Variants in STAT4 observed in about 807,000 individuals in gnomAD.
STAT4 encodes the protein signal transducer and activator of transcription 4.
Under a neutral mutation model 110.5 loss-of-function variants are expected in STAT4, and 42 were observed. That is an observed-to-expected ratio of 0.38 (90% CI 0.30 to 0.49). STAT4 has a LOEUF of 0.49. STAT4 is among the 20% of genes least tolerant of loss of function. STAT4 has a pLI of 0.95. For synonymous variants in STAT4, 284 were observed against 302.2 expected (o/e 0.94, Z 0.63); for missense variants, 632 against 887.9 (o/e 0.71, Z 3.66).
In STAT4 at chr2:191,097,514, TG is replaced by T. The variant is rs558496908; in HGVS notation, c.274-21190del. On this transcript the variant is annotated intron_variant, in intron 3 of 23. Transcript: ENST00000392320. The stretch of plus-strand genomic sequence containing the variant: ...TGACAAACCTGAGAAAAACAAGAAA[TG>T]GGGAAAGGATTCCCTATTTAATAAA... Among the ~76,000 whole-genome samples, 789 of 152,180 alleles carry T rather than the reference TG, an allele frequency of 5.2e-3. 6 individuals are homozygous for T. Among genetic ancestry groups the T allele is most frequent in the African/African-American group, 0.018 (750 of 41,502 alleles).
chr2:191,086,011 T>C lies in STAT4; in HGVS notation c.274-9686A>G, dbSNP rs564088582. ...TTGAAACATATTTCTTTCTCCAGAA[T>C]TTGGAAACTATTTGTGAGTATTCTT... On this transcript the variant is annotated intron_variant, in intron 3 of 23. Transcript: ENST00000392320. The surrounding 1 kb of genome is among the most constrained non-coding windows in gnomAD (Gnocchi z 5.5). Among the ~76,000 whole-genome samples, 13 of 152,326 alleles carry C rather than the reference T, an allele frequency of 8.5e-5. No homozygotes were observed. In the South Asian group the frequency reaches 2.7e-3, roughly 32 times the overall value.
rs914633830 is a variant in STAT4, at chr2:191,077,966, A to G, written c.274-1641T>C. ...CATTTCCGTGTGTCGACAATTTCAGATTCTCTCTAGTTAGAATTTGTTCCT... is the reference window on the plus strand; with the variant it reads ...CATTTCCGTGTGTCGACAATTTCAGGTTCTCTCTAGTTAGAATTTGTTCCT... On this transcript the variant is annotated intron_variant, in intron 3 of 23. Coordinates refer to ENST00000392320, the MANE Select transcript of STAT4 (RefSeq NM_003151.4). The surrounding 1 kb of genome is among the most constrained non-coding windows in gnomAD (Gnocchi z 4.1). Among the ~76,000 whole-genome samples, 10 of 152,110 alleles carry G rather than the reference A, an allele frequency of 6.6e-5. No individual in the cohort carries two copies. The highest frequency in any genetic ancestry group is 2.4e-4 in the African/African-American group (10 of 41,444).
intron 14 of STAT4, chr2:191,041,643 G>C (rs1696201758): frequency 6.6e-6 from 1 of 152,174 alleles, no homozygotes; most frequent in Non-Finnish European, 1.5e-5. Context: ...GGTAATAGCT[G>C]GAGTTTTATT....
At chr2:191,139,542 T>A (rs958976722) in intron 3 of STAT4, among the ~76,000 whole-genome samples, 3 of 152,096 alleles carry the variant, frequency 2.0e-5, no homozygotes, top group African/African-American at 7.2e-5. Context: ...AATATACCTA[T>A]CCAAGGGGGT....
intron 16 of STAT4, among the ~76,000 whole-genome samples, chr2:191,038,527 G>T (rs928140077): frequency 6.6e-6 from 1 of 152,124 alleles, no homozygotes; most frequent in East Asian, 1.9e-4. Context: ...CTAGACCTCA[G>T]TGGTTTCCAG....
chr2:191,036,364 C>T, intron 16 of STAT4, 65 bp from the exon 17 acceptor site: 1 of 1,561,592 alleles, frequency 6.4e-7, no homozygotes, highest in Non-Finnish European at 8.7e-7. Flanking sequence ...GAGGTGTGAG[C>T]AGGGCAAGAG....
chr2:191,029,658 T>C lies in STAT4; in HGVS notation c.*182A>G, dbSNP rs1160410995. ...TTATCTGAAGCTTTGGTTTCAAGCA[T>C]TTCAGTCACAACACTCCCAATTGAG... On this transcript the variant is annotated 3_prime_UTR_variant, in exon 24 of 24. Coordinates refer to ENST00000392320, the MANE Select transcript of STAT4 (RefSeq NM_003151.4). This position sits in a 1 kb window ranked among gnomAD's most constrained non-coding sequence, Gnocchi z 4.5. 5.0e-6 allele frequency: 3 copies of C among 595,034 alleles called. No homozygotes were observed. In the African/African-American group the frequency reaches 5.9e-5, roughly 12 times the overall value. The allele number at this position is 595,034 out of a possible 1,614,324, so 36.9% of individuals were successfully genotyped here.
chr2:191,150,522 C>CG lies in STAT4; in HGVS notation c.-2+424dup, dbSNP rs1699566723. 6.6e-6 allele frequency among the ~76,000 whole-genome samples: 1 copy of CG among 152,210 alleles called. No individual in the cohort carries two copies. Among genetic ancestry groups the CG allele is most frequent in the Non-Finnish European group, 1.5e-5 (1 of 68,050 alleles). On this transcript the variant is annotated intron_variant, in intron 1 of 23. Transcript: ENST00000392320. The surrounding 1 kb of genome is among the most constrained non-coding windows in gnomAD (Gnocchi z 6.4). ...AGATGACCTGCCCTAAAATGTCACTCGCGCCCATCAAAGCCACAGTCACCG... is the reference window on the plus strand; with the variant it reads ...AGATGACCTGCCCTAAAATGTCACTCGGCGCCCATCAAAGCCACAGTCACCG...
chr2:191,067,667 C>A (rs1405041598), intron 6 of STAT4, among the ~76,000 whole-genome samples: 1 of 152,172 alleles, frequency 6.6e-6, no homozygotes, highest in African/African-American at 2.4e-5. Context: ...TACTGGGTAA[C>A]CACTCTCCTG....
intron 5 of STAT4, among the ~76,000 whole-genome samples, chr2:191,072,680 C>CTAGA (rs1490264105): frequency 6.6e-6 from 1 of 151,864 alleles, no homozygotes; most frequent in Non-Finnish European, 1.5e-5. Context: ...TGATAAATCT[C>CTAGA]TAGATAGACT....
chr2:191,047,725 G>A (rs926143033), intron 14 of STAT4, among the ~76,000 whole-genome samples: 2 of 152,178 alleles, frequency 1.3e-5, no homozygotes, highest in Admixed American at 6.5e-5. Flanking sequence ...GAGTGCAGTG[G>A]CATGATCTTG....
chr2:191,139,249 A>C (rs1299680719), intron 3 of STAT4, among the ~76,000 whole-genome samples: 1 of 152,016 alleles, frequency 6.6e-6, no homozygotes, highest in Non-Finnish European at 1.5e-5. Flanking sequence ...TCCTGGCCAG[A>C]GCAATCGACA....
chr2:191,085,072 G>A (rs1209792704), intron 3 of STAT4, among the ~76,000 whole-genome samples: 2 of 151,008 alleles, frequency 1.3e-5, no homozygotes, highest in Non-Finnish European at 3.0e-5. Flanking sequence ...AAAAATGGGA[G>A]AGAGAAAGAT....
At chr2:191,096,703 C>T (rs537250049) in intron 3 of STAT4, among the ~76,000 whole-genome samples, 1 of 152,146 alleles carries the variant, frequency 6.6e-6, no homozygotes, top group African/African-American at 2.4e-5. Flanking sequence ...CCTTTGAAAA[C>T]CAGCACGAGA....
At chr2:191,034,037 G>T (rs1390511011) in intron 18 of STAT4, 32 bp from the exon 19 acceptor site, 1 of 1,371,730 alleles carries the variant, frequency 7.3e-7, no homozygotes, top group Non-Finnish European at 1.0e-6. Flanking sequence ...TTAAGACAAT[G>T]ATTATTTAAG....
chr2:191,098,090 A>T (rs1328650364), intron 3 of STAT4, among the ~76,000 whole-genome samples: 1 of 152,200 alleles, frequency 6.6e-6, no homozygotes, highest in Non-Finnish European at 1.5e-5. Context: ...TTAGAATTGC[A>T]ATCATTAAAA....
In STAT4 at chr2:191,070,380, T is replaced by C. The variant is rs533061068; in HGVS notation, c.466-609A>G. On this transcript the variant is annotated intron_variant, in intron 5 of 23. Coordinates refer to ENST00000392320, the MANE Select transcript of STAT4 (RefSeq NM_003151.4). ...GGCTTTTTTATATTATCTCCTTTAG[T>C]CTTCACAACACCCATGAAGTGGGTT... is the stretch of plus-strand genomic sequence containing the variant. Among the ~76,000 whole-genome samples, 13 of 152,252 alleles carry C rather than the reference T, an allele frequency of 8.5e-5. No homozygotes were observed. In the South Asian group the frequency reaches 2.7e-3, roughly 32 times the overall value.
Position 191,033,032 on chromosome 2 carries a change from G to A in STAT4, c.1970C>T (p.Pro657Leu), listed in dbSNP as rs756037985. ...AATGTCAGGATATAGGTACTTCAGA[G>A]GGTTTTCAGGAATGTTTTCAGCCAT... ...VIMAENIPEN[P>L]LKYLYPDIPK... The change falls in exon 21 of 24, where the codon CCT becomes CTT. Residue 657 changes from proline (P) to leucine (L), a missense_variant. By Grantham distance (98) the Pro-to-Leu change is moderately conservative. Around this residue, in one of 4 missense-constraint regions of STAT4, gnomAD observed 74 missense variants for 154.3 expected, o/e 0.48. Transcript: ENST00000392320. The surrounding 1 kb of genome is among the most constrained non-coding windows in gnomAD (Gnocchi z 6.9). 6.2e-7 allele frequency: 1 copy of A among 1,614,230 alleles called. No individual in the cohort carries two copies. The highest frequency in any genetic ancestry group is 8.5e-7 in the Non-Finnish European group (1 of 1,180,034).
rs1696848039 is a variant in STAT4 at position 191,061,518 on chromosome 2, T to A, written c.1034+211A>T. 6.6e-6 allele frequency among the ~76,000 whole-genome samples: 1 copy of A among 152,206 alleles called. No individual in the cohort carries two copies. Among genetic ancestry groups the A allele is most frequent in the South Asian group, 2.1e-4 (1 of 4,826 alleles). On this transcript the variant is annotated intron_variant, in intron 10 of 23. Transcript: ENST00000392320. This position sits in a 1 kb window ranked among gnomAD's most constrained non-coding sequence, Gnocchi z 6.2. ...TCCATACTTTCAGGCTAATATCCCT[T>A]ATGTCCTCATCTGCACTGTCATGCT...
Sources: gnomAD v4.1 joint callset for allele counts (sites outside exome capture counted in the v4.1 genomes callset) on GRCh38, gnomAD v4.1.1 for gene constraint, gnomAD v4.1.1 regional missense constraint, Gnocchi (gnomAD v3.1) non-coding constraint, MANE v1.5 for transcripts, NCBI Gene and HGNC (gene_info 2026-07-23, HGNC 2026-07-21) for gene names.